SORCS3: variants seen among roughly 807,000 people sequenced by gnomAD.
The protein encoded by SORCS3 is VPS10 domain-containing receptor SorCS3.
In SORCS3, 57 loss-of-function variants were observed where a neutral mutation model predicts 146.3. The observed-to-expected ratio is 0.39, with a 90% CI of 0.31 to 0.49. The LOEUF (loss-of-function observed/expected upper bound fraction) is 0.49, where lower values mean the gene tolerates loss of function less well. SORCS3 is among the 20% of genes least tolerant of loss of function. The pLI is 0.92. For synonymous variants in SORCS3, 653 were observed against 618.5 expected, an observed-to-expected ratio of 1.06 and a Z score of -0.83; for missense variants, 1,341 against 1,575.5, an observed-to-expected ratio of 0.85 and a Z score of 2.52.
Position 105,070,771 on chromosome 10 carries a change from G to A in SORCS3, c.1029-19004G>A, listed in dbSNP as rs568787266. ...AAACAAGATATCTGATGTGCCATTT[G>A]CTCATTGAAAATTAACAAACCCTTT... On this transcript the variant is annotated intron_variant, in intron 5 of 26. Transcript: ENST00000369701. Among the ~76,000 whole-genome samples the A allele has an allele frequency of 2.0e-5, 3 of 152,294 alleles. No homozygotes were observed. In the South Asian group the frequency reaches 6.2e-4, roughly 32 times the overall value.
intron 3 of SORCS3, among the ~76,000 whole-genome samples, chr10:104,946,075 C>T (rs2019367701): frequency 1.3e-5 from 2 of 151,886 alleles, no homozygotes; most frequent in Admixed American, 1.3e-4. Context: ...TTAATTCTGA[C>T]TCTGGTAGGG....
chr10:105,075,217 G>C (rs2055581162), intron 5 of SORCS3, among the ~76,000 whole-genome samples: 1 of 152,136 alleles, frequency 6.6e-6, no homozygotes, highest in South Asian at 2.1e-4. Flanking sequence ...TTACTGAAAG[G>C]AGAGCACTGA....
intron 1 of SORCS3, among the ~76,000 whole-genome samples, chr10:104,681,704 T>C (rs1159284963): frequency 6.6e-6 from 1 of 151,746 alleles, no homozygotes; most frequent in Admixed American, 6.6e-5. Context: ...TCTAGCTTCC[T>C]GGGTCCATCT....
At chr10:105,019,489 T>C (rs1589596832) in intron 4 of SORCS3, among the ~76,000 whole-genome samples, 1 of 152,174 alleles carries the variant, frequency 6.6e-6, no homozygotes, top group Non-Finnish European at 1.5e-5. Context: ...CCTCTTTCCA[T>C]CTCTTCTCTT....
At chr10:105,016,637 C>CT (rs993773184) in intron 4 of SORCS3, among the ~76,000 whole-genome samples, 20 of 151,934 alleles carry the variant, frequency 1.3e-4, no homozygotes, top group Admixed American at 4.6e-4. Context: ...ATGGTGATGA[C>CT]TTTTTTTTGT....
At chr10:104,807,575 C>A (rs1455905938) in intron 1 of SORCS3, among the ~76,000 whole-genome samples, 1 of 152,148 alleles carries the variant, frequency 6.6e-6, no homozygotes, top group Non-Finnish European at 1.5e-5. Flanking sequence ...AAGAATCCTA[C>A]GTTTAGAGCG....
intron 20 of SORCS3, among the ~76,000 whole-genome samples, chr10:105,228,037 G>C (rs1044280837): frequency 1.4e-5 from 2 of 142,012 alleles, no homozygotes; most frequent in Admixed American, 7.0e-5. Flanking sequence ...GTGTGTGTAT[G>C]TGTGTTTTAA....
At chr10:104,769,282 G>T (rs555947740) in intron 1 of SORCS3, among the ~76,000 whole-genome samples, 1 of 152,330 alleles carries the variant, frequency 6.6e-6, no homozygotes, top group South Asian at 2.1e-4. Flanking sequence ...ACAGCCAGAG[G>T]AAAAGCCAGG....
intron 4 of SORCS3, 81 bp downstream of exon 4, chr10:104,977,574 T>C: frequency 1.5e-6 from 2 of 1,321,176 alleles, no homozygotes; most frequent in South Asian, 3.0e-5. Context: ...AATCCACATT[T>C]TGGAGGGAAT....
intron 1 of SORCS3, among the ~76,000 whole-genome samples, chr10:104,773,521 T>A (rs1196322964): frequency 6.6e-6 from 1 of 152,224 alleles, no homozygotes; most frequent in Non-Finnish European, 1.5e-5. Context: ...TTCCTTTCAG[T>A]GAGCTGGTGT....
At chr10:104,904,827 T>G (rs1182067180) in intron 2 of SORCS3, among the ~76,000 whole-genome samples, 1 of 149,576 alleles carries the variant, frequency 6.7e-6, no homozygotes, top group Non-Finnish European at 1.5e-5. Flanking sequence ...ACCATAAATT[T>G]TCAGTATTTT....
intron 1 of SORCS3, among the ~76,000 whole-genome samples, chr10:104,696,689 AATATATATT>A (rs2016216998): frequency 1.5e-5 from 1 of 66,716 alleles, no homozygotes; most frequent in African/African-American, 5.8e-5. Context: ...TATAATATAT[AATATATATT>A]ATATACGTAT....
At chr10:104,762,869 G>A (rs550952607) in intron 1 of SORCS3, among the ~76,000 whole-genome samples, 1 of 152,298 alleles carries the variant, frequency 6.6e-6, no homozygotes, top group Non-Finnish European at 1.5e-5. Flanking sequence ...CCCAGTCTCA[G>A]GTAGTATCTT....
chr10:104,795,078 A>G (rs2017539612), intron 1 of SORCS3, among the ~76,000 whole-genome samples: 1 of 152,238 alleles, frequency 6.6e-6, no homozygotes, highest in Admixed American at 6.5e-5. Context: ...AGACAATGTA[A>G]CTTTCCTACA....
At chr10:104,926,090 G>T (rs1480144031) in intron 3 of SORCS3, among the ~76,000 whole-genome samples, 1 of 152,188 alleles carries the variant, frequency 6.6e-6, no homozygotes, top group African/African-American at 2.4e-5. Context: ...TGGCTGCTGG[G>T]CCTCCCCTCC....
chr10:105,148,186 C>G (rs56191839), intron 9 of SORCS3, among the ~76,000 whole-genome samples: 6,013 of 151,846 alleles, frequency 0.04, 184 homozygotes, highest in East Asian at 0.16. Context: ...TACTTATGTG[C>G]CTTAAATTAT....
At chr10:104,888,041 T>A (rs1180164996) in intron 2 of SORCS3, among the ~76,000 whole-genome samples, 1 of 67,704 alleles carries the variant, frequency 1.5e-5, no homozygotes, top group Non-Finnish European at 2.6e-5. Context: ...TTATGGTGTG[T>A]TTTTTTTGAA....
chr10:104,980,438 A>G (rs903152710), intron 4 of SORCS3, among the ~76,000 whole-genome samples: 1 of 152,346 alleles, frequency 6.6e-6, no homozygotes, highest in Non-Finnish European at 1.5e-5. Context: ...GTAATTTAGT[A>G]GTTTAGAGTC....
chr10:105,079,341 G>T (rs2055608605), intron 5 of SORCS3, among the ~76,000 whole-genome samples: 1 of 152,184 alleles, frequency 6.6e-6, no homozygotes, highest in African/African-American at 2.4e-5. Context: ...TTCAGCCCGG[G>T]TCATGAGCTT....
Sources: gnomAD v4.1 joint callset for allele counts (sites outside exome capture counted in the v4.1 genomes callset) on GRCh38, gnomAD v4.1.1 for gene constraint, MANE v1.5 for transcripts, NCBI Gene and HGNC (gene_info 2026-07-23, HGNC 2026-07-21) for gene names.